Variants in RARB observed in about 807,000 individuals in gnomAD.
RARB encodes the protein HBV-activated protein.
RARB carries 17 observed loss-of-function variants against 51.9 expected under a neutral mutation model. The ratio of observed to expected loss-of-function variants is 0.33; its 90% CI spans 0.22 to 0.49. RARB has a LOEUF of 0.49. Ranked by LOEUF, RARB falls within the 20% of genes least tolerant of loss-of-function variation. The probability of loss-of-function intolerance (pLI) is 0.99; values close to 1 mark genes in which losing one functional copy is unlikely to be tolerated. For synonymous variants in RARB, 215 were observed against 195.4 expected, an observed-to-expected ratio of 1.10 and a Z score of -0.84; for missense variants, 369 against 550.8, an observed-to-expected ratio of 0.67 and a Z score of 3.30.
chr3:25,039,722 C>T (rs56845794), intron 2 of RARB, among the ~76,000 whole-genome samples: 25,200 of 152,108 alleles, frequency 0.17, 2,129 homozygotes, highest in South Asian at 0.2. Context: ...GAACTTTGGG[C>T]ACCAAAGATT....
intron 2 of RARB, among the ~76,000 whole-genome samples, chr3:24,972,102 C>G (rs989873089): frequency 6.6e-6 from 1 of 151,820 alleles, no homozygotes; most frequent in Admixed American, 6.6e-5. Context: ...TTTCTTCTAA[C>G]TGTATATTTG....
At chr3:24,877,605 G>A (rs770415092) in intron 2 of RARB, among the ~76,000 whole-genome samples, 9 of 152,044 alleles carry the variant, frequency 5.9e-5, no homozygotes, top group East Asian at 1.9e-4. Flanking sequence ...AAATACCAGC[G>A]TAAGGGCAGG....
At chr3:25,531,724 A>T (rs796264455) in intron 3 of RARB, among the ~76,000 whole-genome samples, 9 of 52,184 alleles carry the variant, frequency 1.7e-4, no homozygotes, top group African/African-American at 1.7e-3. Flanking sequence ...TAGACACTTT[A>T]AAAAAAAAAA....
intron 2 of RARB, among the ~76,000 whole-genome samples, chr3:25,465,016 C>T (rs1023174306): frequency 6.6e-6 from 1 of 151,844 alleles, no homozygotes; most frequent in Non-Finnish European, 1.5e-5. Flanking sequence ...TAAATTATGG[C>T]CTTTAAGTAT....
intron 5 of RARB, among the ~76,000 whole-genome samples, chr3:25,273,686 C>G (rs910669338): frequency 3.9e-5 from 6 of 152,230 alleles, no homozygotes; most frequent in South Asian, 2.1e-4. Context: ...ATCACCAAAA[C>G]TGCTTATGGT....
At chr3:24,863,016 T>G (rs570190206) in intron 2 of RARB, among the ~76,000 whole-genome samples, 12 of 152,108 alleles carry the variant, frequency 7.9e-5, no homozygotes, top group Admixed American at 7.9e-4. Context: ...AGAAATAATG[T>G]GGGGAAAGGC....
intron 5 of RARB, among the ~76,000 whole-genome samples, chr3:25,174,759 T>G (rs1700710822): frequency 6.6e-6 from 1 of 152,186 alleles, no homozygotes; most frequent in Non-Finnish European, 1.5e-5. Context: ...AGTGGCAAAT[T>G]TTAGAATTCA....
At chr3:25,292,498 A>G (rs999459308) in intron 5 of RARB, among the ~76,000 whole-genome samples, 2 of 152,226 alleles carry the variant, frequency 1.3e-5, no homozygotes, top group Non-Finnish European at 2.9e-5. Flanking sequence ...GGAAAAGCCT[A>G]TAGAAACAAA....
intron 2 of RARB, chr3:25,025,094 A>C (rs1377793345): frequency 1.3e-5 from 2 of 152,194 alleles, no homozygotes; most frequent in Non-Finnish European, 2.9e-5. Flanking sequence ...GGATGGGAGA[A>C]AAATTGGTTA....
chr3:25,493,599 T>A (rs1429660768), intron 2 of RARB, among the ~76,000 whole-genome samples: 1 of 152,204 alleles, frequency 6.6e-6, no homozygotes, highest in Admixed American at 6.5e-5. Context: ...TTTTAGTGAG[T>A]GAGGAAAATA....
chr3:25,077,966 C>T (rs1228635993), intron 3 of RARB, among the ~76,000 whole-genome samples: 1 of 151,982 alleles, frequency 6.6e-6, no homozygotes, highest in Non-Finnish European at 1.5e-5. Flanking sequence ...TTTCCCATGG[C>T]TTTTATTCAC....
chr3:24,946,738 C>T (rs1393499001), intron 2 of RARB, among the ~76,000 whole-genome samples: 1 of 152,006 alleles, frequency 6.6e-6, no homozygotes, highest in Non-Finnish European at 1.5e-5. Context: ...AGATGTGGTA[C>T]ACCTGTAGTC....
At chr3:24,955,732 TC>T (rs2125408269) in intron 2 of RARB, among the ~76,000 whole-genome samples, 1 of 152,242 alleles carries the variant, frequency 6.6e-6, no homozygotes, top group East Asian at 1.9e-4. Flanking sequence ...ACAATTTTTT[TC>T]GGGAGCAATA....
At chr3:25,184,907 A>G (rs1333809601) in intron 5 of RARB, among the ~76,000 whole-genome samples, 1 of 152,138 alleles carries the variant, frequency 6.6e-6, no homozygotes, top group Non-Finnish European at 1.5e-5. Context: ...AAAGAAAGAA[A>G]AAAAAAAGTA....
At chr3:25,024,996 TG>T (rs1697716145) in intron 2 of RARB, 1 of 148,414 alleles carries the variant, frequency 6.7e-6, no homozygotes, top group South Asian at 2.1e-4. Flanking sequence ...AAAGAAAAAT[TG>T]GTTAGCAAAT....
chr3:25,583,512 C>T (rs1701266370), intron 5 of RARB, among the ~76,000 whole-genome samples: 1 of 152,250 alleles, frequency 6.6e-6, no homozygotes, highest in South Asian at 2.1e-4. Flanking sequence ...CAACTGCACG[C>T]CTGCCAGGGC....
At chr3:25,550,392 A>T (rs758881300) in intron 3 of RARB, among the ~76,000 whole-genome samples, 34 of 152,084 alleles carry the variant, frequency 2.2e-4, no homozygotes, top group Non-Finnish European at 4.9e-4. Context: ...GGGAAGTCCA[A>T]GATCAAGGCA....
At chr3:25,494,529 C>T (rs1038577168) in intron 2 of RARB, among the ~76,000 whole-genome samples, 1 of 152,160 alleles carries the variant, frequency 6.6e-6, no homozygotes, top group South Asian at 2.1e-4. Context: ...ACAGTGGATA[C>T]TTTTTCACTG....
chr3:25,257,153 C>T (rs890452583), intron 5 of RARB, among the ~76,000 whole-genome samples: 1 of 152,072 alleles, frequency 6.6e-6, no homozygotes, highest in Admixed American at 6.6e-5. Context: ...ACAGTAAGTT[C>T]AGCATGACTC....
Sources: gnomAD v4.1 joint callset for allele counts (sites outside exome capture counted in the v4.1 genomes callset) on GRCh38, gnomAD v4.1.1 for gene constraint, MANE v1.5 for transcripts, NCBI Gene and HGNC (gene_info 2026-07-23, HGNC 2026-07-21) for gene names.